UGGT2: variants seen among roughly 807,000 people sequenced by gnomAD.
UGGT2 encodes UDP-glucose glycoprotein glucosyltransferase 2.
In UGGT2, 180 loss-of-function variants were observed where a neutral mutation model predicts 192.1. The observed-to-expected ratio is 0.94, with a 90% confidence interval of 0.83 to 1.06. The LOEUF (loss-of-function observed/expected upper bound fraction) is 1.06. Among genes scored for constraint, UGGT2 ranks in the 50% least tolerant of loss-of-function variants. UGGT2 has a pLI of 0.00. For synonymous variants in UGGT2, 580 were observed against 591.0 expected (o/e 0.98, Z 0.27); for missense variants, 1,849 against 1,795.7 (o/e 1.03, Z -0.54).
intron 12 of UGGT2, among the ~76,000 whole-genome samples, chr13:95,960,009 G>A (rs1348402431): frequency 1.3e-5 from 2 of 152,196 alleles, no homozygotes; most frequent in Non-Finnish European, 2.9e-5. Flanking sequence ...GCTGTTTACA[G>A]ATGAAGAAAT....
In UGGT2 at chr13:95,936,911, AAT is replaced by A. The variant is rs1323652125; in HGVS notation, c.1977+11_1977+12del. ...AATATTCATCATGTATTTTCTTATA[AAT>A]GCTTACCTACCAAAAAAACTTCTCT... On this transcript the variant is annotated intron_variant, in intron 17 of 38. Transcript: ENST00000376747. 4.0e-6 allele frequency: 6 copies of A among 1,503,882 alleles called. No homozygotes were observed. The African/African-American group carries it at 5.7e-5, about 14-fold the overall frequency. The allele number at this position is 1,503,882 out of a possible 1,614,324, so 93.2% of individuals were successfully genotyped here. A position where few individuals can be genotyped will look rare whatever the true frequency, so the allele number is the denominator to read the frequency against.
intron 12 of UGGT2, among the ~76,000 whole-genome samples, chr13:95,960,462 T>C (rs1256418890): frequency 6.6e-6 from 1 of 152,066 alleles, no homozygotes; most frequent in Non-Finnish European, 1.5e-5. Context: ...GAATCAAGAA[T>C]CTCAGAATTT....
rs1198908403 is a variant in UGGT2 at position 96,023,085 on chromosome 13, C to A, written c.440G>T (p.Cys147Phe). Residue 147 changes from cysteine to phenylalanine, a missense_variant, in exon 4 of 39, where the codon TGT becomes TTT. Coordinates refer to ENST00000376747, the MANE Select transcript of UGGT2 (RefSeq NM_020121.4). Reference sequence around the variant, plus strand: ...CAGCTTTTTAATCTCATTAATTTTACAGGTGTGCTTCTTATGAATAACCAC... The same window carrying A: ...CAGCTTTTTAATCTCATTAATTTTAAAGGTGTGCTTCTTATGAATAACCAC... ...AFVVIHKKHT[C>F]KINEIKKLLK... 1.9e-6 allele frequency: 3 copies of A among 1,593,608 alleles called. No individual in the cohort carries two copies. Among genetic ancestry groups the A allele is most frequent in the Non-Finnish European group, 2.6e-6 (3 of 1,168,844 alleles).
intron 38 of UGGT2, chr13:95,809,507 T>C (rs1884475697): frequency 5.7e-6 from 2 of 350,106 alleles, no homozygotes; most frequent in East Asian, 1.6e-4. Flanking sequence ...TCTGGCTTAG[T>C]TTCCACTTTC....
At chr13:95,854,793 G>C (rs1398122633) in intron 34 of UGGT2, among the ~76,000 whole-genome samples, 1 of 152,048 alleles carries the variant, frequency 6.6e-6, no homozygotes, top group African/African-American at 2.4e-5. Flanking sequence ...TATTACGTAA[G>C]TGCAGAGCTC....
chr13:95,881,991 C>T (rs61972901), intron 27 of UGGT2, among the ~76,000 whole-genome samples: 1 of 152,012 alleles, frequency 6.6e-6, no homozygotes, highest in Admixed American at 6.5e-5. Flanking sequence ...TCACTGCAAC[C>T]TCTACCTCCC....
chr13:95,902,815 G>A (rs1254245442), intron 21 of UGGT2, 39 bp downstream of exon 21: 1 of 1,558,762 alleles, frequency 6.4e-7, no homozygotes, highest in Non-Finnish European at 8.8e-7. Context: ...TTTAAAATAT[G>A]CAATACATAC....
intron 27 of UGGT2, among the ~76,000 whole-genome samples, chr13:95,881,137 G>A (rs1347622004): frequency 6.6e-6 from 1 of 152,170 alleles, no homozygotes; most frequent in Non-Finnish European, 1.5e-5. Context: ...CTGGCAATGA[G>A]CCGAGATCAC....
At chr13:95,912,514 G>C (rs1166838797) in intron 20 of UGGT2, among the ~76,000 whole-genome samples, 2 of 152,122 alleles carry the variant, frequency 1.3e-5, no homozygotes, top group Admixed American at 6.6e-5. Flanking sequence ...AAAATACCTA[G>C]TAATCCAACT....
At chr13:95,942,230 GTGTGTGTGTGTGTGTGTGTGT>G (rs2049713764) in intron 15 of UGGT2, among the ~76,000 whole-genome samples, 1 of 47,070 alleles carries the variant, frequency 2.1e-5, no homozygotes, top group African/African-American at 5.2e-5. Flanking sequence ...GGGTGTGTGT[GTGTGTGTGTGTGTGTGTGTGT>G]GTGTGTGTGT....
intron 9 of UGGT2, among the ~76,000 whole-genome samples, chr13:95,984,465 A>G (rs1734519994): frequency 6.6e-6 from 1 of 152,092 alleles, no homozygotes; most frequent in African/African-American, 2.4e-5. Context: ...ATTAGATAGG[A>G]CTACAGGTAC....
chr13:95,809,983 A>G (rs1450510575), intron 38 of UGGT2, among the ~76,000 whole-genome samples: 2 of 152,212 alleles, frequency 1.3e-5, no homozygotes, highest in African/African-American at 4.8e-5. Context: ...CAAGAATTAT[A>G]AAGTTTTGGT....
chr13:95,946,127 A>G (rs1289126656), intron 15 of UGGT2, among the ~76,000 whole-genome samples: 2 of 152,206 alleles, frequency 1.3e-5, no homozygotes, highest in South Asian at 2.1e-4. Flanking sequence ...ATACATATAT[A>G]TTTCCACAAT....
chr13:95,997,134 C>T lies in UGGT2; in HGVS notation c.758-999G>A, dbSNP rs1051541511. 5.9e-5 allele frequency among the ~76,000 whole-genome samples: 9 copies of T among 152,100 alleles called. No homozygotes were observed. In the East Asian group the frequency reaches 9.6e-4, roughly 16 times the overall value. ...GGTACTTTGATCTAGTCATCCTTTT[C>T]CTCTTGTTTGTTCATTCATTCATTG... On this transcript the variant is annotated intron_variant, in intron 6 of 38. Coordinates refer to ENST00000376747, the MANE Select transcript of UGGT2 (RefSeq NM_020121.4).
At chr13:95,952,484 C>A (rs200614265) in intron 12 of UGGT2, among the ~76,000 whole-genome samples, 1 of 152,140 alleles carries the variant, frequency 6.6e-6, no homozygotes, top group Non-Finnish European at 1.5e-5. Flanking sequence ...CTAGATTACA[C>A]GTAATGCCTA....
Position 96,053,286 on chromosome 13 carries a change from C to A in UGGT2, c.27G>T (p.Val9=), listed in dbSNP as rs2053542433. 3 of 1,578,958 alleles carry A rather than the reference C, an allele frequency of 1.9e-6. No homozygotes were observed. The highest frequency in any genetic ancestry group is 1.7e-6 in the Non-Finnish European group (2 of 1,171,318). MAPAKATN[V]VRLLLGSTAL... is the part of the protein sequence containing the mutation. ...CTGTGGAGCCTAGTAGCAGCCGCAC[C>A]ACGTTCGTGGCTTTCGCTGGCGCCA... The change falls in exon 1 of 39, where the codon GTG becomes GTT. Residue 9 remains valine (V), a synonymous_variant. Transcript: ENST00000376747.
intron 38 of UGGT2, chr13:95,809,442 CT>C: frequency 2.6e-6 from 1 of 380,116 alleles, no homozygotes. Flanking sequence ...TTTGCTCCTC[CT>C]TTCCCTTTTG....
intron 1 of UGGT2, among the ~76,000 whole-genome samples, chr13:96,051,032 C>T: frequency 6.6e-6 from 1 of 152,150 alleles, no homozygotes; most frequent in South Asian, 2.1e-4. Flanking sequence ...CACATGCACA[C>T]ACATGTTTAT....
rs775804400 is a variant in UGGT2, at chr13:95,902,923, C to A, written c.2433G>T (p.Gly811=). The part of the protein sequence containing the change: ...QKNMFLRSFL[G]QLAKEEIATA... ...TAGCAATTTCTTCCTTTGCCAGTTG[C>A]CCAAGAAAGCTTCTCAAAAACATGT... The change falls in exon 21 of 39, where the codon GGG becomes GGT. Residue 811 remains glycine, a synonymous_variant. Transcript: ENST00000376747. The A allele has an allele frequency of 1.2e-6, 2 of 1,613,418 alleles. No individual in the cohort carries two copies. The highest frequency in any genetic ancestry group is 1.7e-6 in the Non-Finnish European group (2 of 1,179,624).
Sources: gnomAD v4.1 joint callset for allele counts (sites outside exome capture counted in the v4.1 genomes callset) on GRCh38, gnomAD v4.1.1 for gene constraint, MANE v1.5 for transcripts, NCBI Gene and HGNC (gene_info 2026-07-23, HGNC 2026-07-21) for gene names.